The following DAAM1 variants were observed in gnomAD, a reference collection of about 807,000 sequenced individuals.
DAAM1 encodes the protein dishevelled associated activator of morphogenesis 1, also known as disheveled-associated activator of morphogenesis 1.
Under a neutral mutation model 130.0 loss-of-function variants are expected in DAAM1, and 52 were observed. The ratio of observed to expected loss-of-function variants is 0.40; its 90% CI spans 0.32 to 0.50. DAAM1 has a LOEUF of 0.50. Ranked by LOEUF, DAAM1 falls within the 20% of genes least tolerant of loss-of-function variation. The pLI is 0.61. For synonymous variants in DAAM1, 452 were observed against 444.5 expected (o/e 1.02, Z -0.21); for missense variants, 1,134 against 1,303.8 (o/e 0.87, Z 2.01).
At chr14:59,209,999 G>T (rs1277940910) in intron 1 of DAAM1, among the ~76,000 whole-genome samples, 1 of 152,118 alleles carries the variant, frequency 6.6e-6, no homozygotes, top group Non-Finnish European at 1.5e-5. Context: ...AGATGGGCAT[G>T]GTGGTACACA....
At chr14:59,320,364 T>C (rs1884959183) in intron 4 of DAAM1, 126 bp from the exon 5 acceptor site, 1 of 751,008 alleles carries the variant, frequency 1.3e-6, no homozygotes, top group Non-Finnish European at 2.1e-6. Flanking sequence ...AAGACTTAAC[T>C]TACTTAATCA....
At chr14:59,310,645 TCTG>T (rs1884551651) in intron 3 of DAAM1, among the ~76,000 whole-genome samples, 1 of 152,248 alleles carries the variant, frequency 6.6e-6, no homozygotes, top group South Asian at 2.1e-4. Flanking sequence ...ACAGTATTCT[TCTG>T]CTGTTGACAT....
intron 19 of DAAM1, 74 bp downstream of exon 19, chr14:59,354,038 A>G (rs1444042922): frequency 2.1e-5 from 29 of 1,383,046 alleles, no homozygotes; most frequent in Middle Eastern, 1.8e-4. Flanking sequence ...CCAAGTGCAT[A>G]TAGTAAACAA....
At chr14:59,195,983 A>G (rs1488930374) in intron 1 of DAAM1, among the ~76,000 whole-genome samples, 1 of 152,150 alleles carries the variant, frequency 6.6e-6, no homozygotes, top group African/African-American at 2.4e-5. Context: ...AAAAGGTGCC[A>G]TATTTTAAAG....
intron 3 of DAAM1, among the ~76,000 whole-genome samples, chr14:59,292,186 A>C (rs758190157): frequency 1.3e-5 from 2 of 152,196 alleles, no homozygotes; most frequent in Non-Finnish European, 2.9e-5. Context: ...AGAATGGGGT[A>C]GTGGGAAGGT....
intron 2 of DAAM1, among the ~76,000 whole-genome samples, chr14:59,270,511 C>T (rs1882664126): frequency 6.6e-6 from 1 of 152,160 alleles, no homozygotes; most frequent in African/African-American, 2.4e-5. Flanking sequence ...AAACACTTCC[C>T]ATTAGGCCCC....
intron 1 of DAAM1, among the ~76,000 whole-genome samples, chr14:59,242,536 AC>A (rs985453064): frequency 2.6e-5 from 4 of 152,246 alleles, no homozygotes; most frequent in African/African-American, 9.6e-5. Context: ...TTTAATCTGA[AC>A]AAAAACGCTG....
At chr14:59,201,142 C>A in intron 1 of DAAM1, among the ~76,000 whole-genome samples, 1 of 114,074 alleles carries the variant, frequency 8.8e-6, no homozygotes, top group African/African-American at 3.5e-5. Context: ...GCCTGGGCGA[C>A]AGAGTGAGAC....
At chr14:59,267,583 T>C (rs1882501768) in intron 2 of DAAM1, among the ~76,000 whole-genome samples, 1 of 152,192 alleles carries the variant, frequency 6.6e-6, no homozygotes, top group African/African-American at 2.4e-5. Flanking sequence ...GCTTTTAGTA[T>C]ATTAATAGAA....
intron 3 of DAAM1, among the ~76,000 whole-genome samples, chr14:59,302,963 G>A (rs953294910): frequency 2.6e-5 from 4 of 152,070 alleles, no homozygotes; most frequent in Admixed American, 1.3e-4. Flanking sequence ...CAGCCTCTAA[G>A]TTATTCTTAA....
At chr14:59,213,024 C>G (rs1835945421) in intron 1 of DAAM1, among the ~76,000 whole-genome samples, 1 of 152,070 alleles carries the variant, frequency 6.6e-6, no homozygotes, top group African/African-American at 2.4e-5. Context: ...ACTTCTGCCC[C>G]TGCCCCCCAT....
intron 1 of DAAM1, among the ~76,000 whole-genome samples, chr14:59,235,579 C>G (rs1889269549): frequency 6.6e-6 from 1 of 151,768 alleles, no homozygotes; most frequent in Non-Finnish European, 1.5e-5. Context: ...TAAATTTTTT[C>G]AAAAAACCAG....
chr14:59,280,416 CAGAG>C (rs762825358), intron 2 of DAAM1, among the ~76,000 whole-genome samples: 15 of 151,886 alleles, frequency 9.9e-5, no homozygotes, highest in Admixed American at 2.0e-4. Flanking sequence ...GCCTGGATGA[CAGAG>C]AGAGACCCTA....
intron 1 of DAAM1, among the ~76,000 whole-genome samples, chr14:59,246,746 T>G (rs1461664661): frequency 6.6e-6 from 1 of 152,176 alleles, no homozygotes; most frequent in Admixed American, 6.5e-5. Flanking sequence ...AGTAGTCATC[T>G]TAATGGATGT....
At chr14:59,304,089 G>C (rs948680891) in intron 3 of DAAM1, among the ~76,000 whole-genome samples, 4 of 151,890 alleles carry the variant, frequency 2.6e-5, no homozygotes, top group Non-Finnish European at 5.9e-5. Flanking sequence ...CTGGTTCTTG[G>C]CTGACTCTCC....
At chr14:59,339,280 G>A (rs890660709) in intron 15 of DAAM1, among the ~76,000 whole-genome samples, 4 of 152,130 alleles carry the variant, frequency 2.6e-5, no homozygotes, top group Non-Finnish European at 2.9e-5. Context: ...ACACTGTAAC[G>A]TTTTTAATTG....
chr14:59,190,806 T>G (rs1370865778), intron 1 of DAAM1, among the ~76,000 whole-genome samples: 1 of 152,186 alleles, frequency 6.6e-6, no homozygotes, highest in Non-Finnish European at 1.5e-5. Context: ...CATTGTCCTT[T>G]TTCGTCCCCG....
intron 2 of DAAM1, among the ~76,000 whole-genome samples, chr14:59,288,832 G>GGAGAGA (rs58762540): frequency 0.097 from 13,962 of 143,806 alleles, 740 homozygotes; most frequent in African/African-American, 0.13. Context: ...TGTGATAGCA[G>GGAGAGA]GAGAGAGAGA....
chr14:59,206,292 T>C (rs2139402669), intron 1 of DAAM1, among the ~76,000 whole-genome samples: 1 of 152,306 alleles, frequency 6.6e-6, no homozygotes, highest in African/African-American at 2.4e-5. Flanking sequence ...TTTATTTTTT[T>C]TGAGACGGAG....
Sources: allele counts gnomAD v4.1 joint callset (sites outside exome capture counted in the v4.1 genomes callset), GRCh38; gene constraint gnomAD v4.1.1; transcripts MANE v1.5; gene names NCBI Gene and HGNC (gene_info 2026-07-23, HGNC 2026-07-21).